PHACTR1: variants seen among roughly 807,000 people sequenced by gnomAD.
PHACTR1 encodes phosphatase and actin regulator 1, also known as RPEL repeat containing 1.
PHACTR1 carries 16 observed loss-of-function variants against 69.2 expected under a neutral mutation model. That is an observed-to-expected ratio of 0.23 (90% confidence interval 0.16 to 0.35). The LOEUF is 0.35. PHACTR1 is among the 10% of genes least tolerant of loss of function. The probability of loss-of-function intolerance (pLI) is 1.00; values close to 1 mark genes in which losing one functional copy is unlikely to be tolerated. For missense variants in PHACTR1, 510 were observed against 734.7 expected (o/e 0.69, Z 3.54); for synonymous variants, 312 against 284.5 (o/e 1.10, Z -0.97).
chr6:12,938,996 C>A (rs1259565067), intron 4 of PHACTR1, among the ~76,000 whole-genome samples: 6 of 152,168 alleles, frequency 3.9e-5, no homozygotes, highest in African/African-American at 1.4e-4. Context: ...TTGACTATTA[C>A]AAATTAAGCT....
intron 4 of PHACTR1, among the ~76,000 whole-genome samples, chr6:12,908,272 C>A (rs1166769921): frequency 6.6e-6 from 1 of 152,086 alleles, no homozygotes; most frequent in Non-Finnish European, 1.5e-5. Flanking sequence ...TTCTCCAGAC[C>A]AAACTTTTCC....
rs547374144 is a variant in PHACTR1, at chr6:13,219,735, A to G, written c.987-8081A>G. On this transcript the variant is annotated intron_variant, in intron 8 of 14. Coordinates refer to ENST00000332995, the MANE Select transcript of PHACTR1 (RefSeq NM_030948.6). Reference sequence around the variant, plus strand: ...ACTCTTCACAGCAAAATTCATAGCAAGAGAGTAGCTGGATTGTGTGAACAT... The same window carrying G: ...ACTCTTCACAGCAAAATTCATAGCAGGAGAGTAGCTGGATTGTGTGAACAT... Among the ~76,000 whole-genome samples the G allele has an allele frequency of 8.5e-5, 13 of 152,324 alleles. No homozygotes were observed. In the East Asian group the frequency reaches 2.3e-3, roughly 27 times the overall value.
intron 4 of PHACTR1, among the ~76,000 whole-genome samples, chr6:12,847,419 G>T (rs566007773): frequency 3.9e-5 from 6 of 152,290 alleles, no homozygotes; most frequent in Non-Finnish European, 8.8e-5. Context: ...AGGTCTTTGA[G>T]TAGTCAACTT....
intron 4 of PHACTR1, among the ~76,000 whole-genome samples, chr6:12,921,551 A>AGGAG (rs1787671157): frequency 8.3e-6 from 1 of 120,094 alleles, no homozygotes; most frequent in Admixed American, 8.6e-5. Context: ...GAAAGGAGGA[A>AGGAG]GGAGGAAGGA....
intron 4 of PHACTR1, among the ~76,000 whole-genome samples, chr6:12,768,530 A>T (rs1304933754): frequency 6.6e-6 from 1 of 151,046 alleles, no homozygotes; most frequent in Non-Finnish European, 1.5e-5. Flanking sequence ...TACTTTCCTT[A>T]GGGGTTTGGG....
intron 5 of PHACTR1, among the ~76,000 whole-genome samples, chr6:13,127,167 A>G (rs1250356959): frequency 6.6e-6 from 1 of 152,214 alleles, no homozygotes; most frequent in African/African-American, 2.4e-5. Flanking sequence ...GTTGGTTTAA[A>G]TAGATTTCTC....
chr6:12,854,446 C>G (rs144391507), intron 4 of PHACTR1, among the ~76,000 whole-genome samples: 1 of 152,268 alleles, frequency 6.6e-6, no homozygotes, highest in African/African-American at 2.4e-5. Context: ...TTATTTCTAT[C>G]AAATCAGGAT....
At chr6:13,164,899 G>T (rs1169244594) in intron 6 of PHACTR1, among the ~76,000 whole-genome samples, 1 of 151,884 alleles carries the variant, frequency 6.6e-6, no homozygotes, top group Non-Finnish European at 1.5e-5. Context: ...CCGGCACAGA[G>T]ATTCCTCATT....
chr6:12,917,221 T>C (rs909711892), intron 4 of PHACTR1, among the ~76,000 whole-genome samples: 2 of 152,216 alleles, frequency 1.3e-5, no homozygotes, highest in African/African-American at 4.8e-5. Context: ...CAGATCAGCC[T>C]CTCTATTATA....
At chr6:13,005,683 G>A (rs1391803841) in intron 4 of PHACTR1, among the ~76,000 whole-genome samples, 4 of 152,176 alleles carry the variant, frequency 2.6e-5, no homozygotes, top group Non-Finnish European at 2.9e-5. Flanking sequence ...AGAAGTAGAG[G>A]TGTTCCTTTG....
intron 5 of PHACTR1, among the ~76,000 whole-genome samples, chr6:13,133,712 G>A (rs555715433): frequency 7.1e-4 from 108 of 152,108 alleles, no homozygotes; most frequent in Admixed American, 5.0e-3. Context: ...CTGCCTGGCT[G>A]CCACCCCGTC....
intron 7 of PHACTR1, among the ~76,000 whole-genome samples, chr6:13,189,532 G>A (rs761876384): frequency 2.7e-4 from 41 of 151,950 alleles, no homozygotes; most frequent in Non-Finnish European, 1.9e-4. Context: ...CTGAGTAGCT[G>A]GAACTACAGG....
At chr6:13,161,586 G>T (rs1209105139) in intron 6 of PHACTR1, among the ~76,000 whole-genome samples, 2 of 152,042 alleles carry the variant, frequency 1.3e-5, no homozygotes, top group Admixed American at 1.3e-4. Flanking sequence ...GTAATCTGCC[G>T]ACGCAGTCCA....
intron 4 of PHACTR1, among the ~76,000 whole-genome samples, chr6:12,876,263 G>A (rs576744435): frequency 2.6e-5 from 4 of 152,274 alleles, no homozygotes; most frequent in Admixed American, 6.5e-5. Context: ...CCCTGCTTAC[G>A]ATGTGCCTGA....
intron 4 of PHACTR1, among the ~76,000 whole-genome samples, chr6:12,796,882 C>A (rs751814053): frequency 6.6e-6 from 1 of 152,252 alleles, no homozygotes; most frequent in East Asian, 1.9e-4. Context: ...CAGTTATTAT[C>A]GCCTCCATTT....
At chr6:13,278,114 A>G (rs1239814732) in intron 11 of PHACTR1, 154 bp from the exon 12 acceptor site, 2 of 649,378 alleles carry the variant, frequency 3.1e-6, no homozygotes, top group Non-Finnish European at 5.2e-6. Flanking sequence ...AGCAATCCCC[A>G]TAAGGAGAAG....
chr6:12,977,619 G>A (rs36100854), intron 4 of PHACTR1, among the ~76,000 whole-genome samples: 29,168 of 152,196 alleles, frequency 0.19, 3,165 homozygotes, highest in South Asian at 0.28. Flanking sequence ...AGCAATGAGA[G>A]CTCAGTAATT....
intron 4 of PHACTR1, among the ~76,000 whole-genome samples, chr6:12,772,004 C>T (rs983122419): frequency 2.6e-5 from 4 of 152,058 alleles, no homozygotes; most frequent in South Asian, 2.1e-4. Flanking sequence ...TCAGCCAAGC[C>T]GTAGACGCCT....
At chr6:13,108,939 T>C (rs1390674501) in intron 5 of PHACTR1, among the ~76,000 whole-genome samples, 1 of 152,052 alleles carries the variant, frequency 6.6e-6, no homozygotes, top group African/African-American at 2.4e-5. Context: ...TTAAAAAACA[T>C]TTTATGTACT....
Sources: allele counts gnomAD v4.1 joint callset (sites outside exome capture counted in the v4.1 genomes callset), GRCh38; gene constraint gnomAD v4.1.1; transcripts MANE v1.5; gene names NCBI Gene and HGNC (gene_info 2026-07-23, HGNC 2026-07-21).